The following RGS3 variants were observed in gnomAD, a reference collection of about 807,000 sequenced individuals.
RGS3 encodes regulator of G protein signaling 3, also known as regulator of G-protein signalling 3.
Under a neutral mutation model 132.6 loss-of-function variants are expected in RGS3, and 80 were observed. That is an observed-to-expected ratio of 0.60 (90% CI 0.50 to 0.73). The LOEUF is 0.73. Among genes scored for constraint, RGS3 ranks in the 30% least tolerant of loss-of-function variants. RGS3 has a pLI of 0.00. For missense variants in RGS3, 1,382 were observed against 1,530.8 expected (o/e 0.90, Z 1.62); for synonymous variants, 598 against 620.6 (o/e 0.96, Z 0.54).
At chr9:113,460,543 T>C (rs1469478534) in intron 1 of RGS3, among the ~76,000 whole-genome samples, 1 of 152,152 alleles carries the variant, frequency 6.6e-6, no homozygotes, top group Non-Finnish European at 1.5e-5. Flanking sequence ...AATTTTTTTT[T>C]CTTCTGAATT....
exon 25 of RGS3, chr9:113,597,530 G>T (rs1308823391): frequency 1.3e-5 from 2 of 152,826 alleles, no homozygotes; most frequent in African/African-American, 4.8e-5. Context: ...AGCTTCAGGG[G>T]ATATGCTCGT....
chr9:113,528,335 C>T (rs1588205988), intron 17 of RGS3, among the ~76,000 whole-genome samples: 3 of 152,168 alleles, frequency 2.0e-5, no homozygotes, highest in South Asian at 4.1e-4. Context: ...GGAGTGGCTG[C>T]AGTGGGCAGG....
chr9:113,477,104 T>C (rs1282646729), intron 3 of RGS3, among the ~76,000 whole-genome samples: 2 of 152,102 alleles, frequency 1.3e-5, no homozygotes, highest in African/African-American at 4.8e-5. Context: ...GAAGCCACAA[T>C]GAAGTAATTG....
At chr9:113,590,187 G>A (rs1835345049) in intron 20 of RGS3, among the ~76,000 whole-genome samples, 1 of 152,316 alleles carries the variant, frequency 6.6e-6, no homozygotes, top group African/African-American at 2.4e-5. Flanking sequence ...TCTCCTTGGG[G>A]AAGTGACTTA....
At chr9:113,501,546 T>C (rs548589725) in intron 10 of RGS3, 3 of 1,539,010 alleles carry the variant, frequency 1.9e-6, no homozygotes, top group Admixed American at 3.9e-5. Flanking sequence ...TGGGTTTTCA[T>C]GGGGCGGCAG....
intron 1 of RGS3, among the ~76,000 whole-genome samples, chr9:113,450,188 C>T (rs1829208979): frequency 6.6e-6 from 1 of 152,210 alleles, no homozygotes. Flanking sequence ...CCTGCCTCAG[C>T]CTCCTGAGTA....
At chr9:113,499,271 CA>C (rs1296645449) in intron 10 of RGS3, among the ~76,000 whole-genome samples, 1 of 149,524 alleles carries the variant, frequency 6.7e-6, no homozygotes, top group Non-Finnish European at 1.5e-5. Context: ...CCCAGCAATT[CA>C]TTAGCCCCTG....
At chr9:113,467,366 G>A (rs548069816) in intron 3 of RGS3, among the ~76,000 whole-genome samples, 15 of 152,122 alleles carry the variant, frequency 9.9e-5, no homozygotes, top group Middle Eastern at 6.8e-3. Flanking sequence ...ATGGGTTTTG[G>A]TTTTTCCACA....
intron 19 of RGS3, among the ~76,000 whole-genome samples, chr9:113,557,553 G>A (rs1262606689): frequency 6.6e-6 from 1 of 152,220 alleles, no homozygotes; most frequent in Non-Finnish European, 1.5e-5. Context: ...ATGAGAGAGG[G>A]AAGGCTAGTT....
At chr9:113,452,584 C>T (rs1457993895) in intron 1 of RGS3, among the ~76,000 whole-genome samples, 1 of 151,930 alleles carries the variant, frequency 6.6e-6, no homozygotes, top group African/African-American at 2.4e-5. Flanking sequence ...AAAAGCCCAA[C>T]CACTATTTCT....
Position 113,591,450 on chromosome 9 carries a change from G to A in RGS3, c.3080+53G>A. 6.6e-7 allele frequency: 1 copy of A among 1,520,804 alleles called. No homozygotes were observed. Among genetic ancestry groups the A allele is most frequent in the Non-Finnish European group, 9.1e-7 (1 of 1,096,228 alleles). 94.2% of individuals were successfully genotyped at this position (1,520,804 alleles called of 1,614,324 possible). ...CGCTCCTCTTCCTCCCTTGCCCCAGGGCTTGTCTCTCCTCTAGGGGTCCAG... is the reference window on the plus strand; with the variant it reads ...CGCTCCTCTTCCTCCCTTGCCCCAGAGCTTGTCTCTCCTCTAGGGGTCCAG... On this transcript the variant is annotated intron_variant, in intron 21 of 24. Transcript: ENST00000350696. This position sits in a 1 kb window ranked among gnomAD's most constrained non-coding sequence, Gnocchi z 4.4.
At chr9:113,543,506 C>A (rs967733226) in intron 19 of RGS3, among the ~76,000 whole-genome samples, 4 of 152,194 alleles carry the variant, frequency 2.6e-5, no homozygotes, top group Non-Finnish European at 4.4e-5. Context: ...CTCTGTCTGC[C>A]AGGGCTCAGC....
Position 113,480,936 on chromosome 9 carries a change from C to T in RGS3, c.466+1395C>T, listed in dbSNP as rs552421540. Reference sequence around the variant, plus strand: ...TCTCTCCAGCCTCCCTGGCTCTTGCCGCTGACGGTACCCTCCACCTCCAGC... The same window carrying T: ...TCTCTCCAGCCTCCCTGGCTCTTGCTGCTGACGGTACCCTCCACCTCCAGC... On this transcript the variant is annotated intron_variant, in intron 4 of 24. Coordinates refer to ENST00000350696, the Ensembl canonical transcript of RGS3. Among the ~76,000 whole-genome samples, 4 of 152,344 alleles carry T rather than the reference C, an allele frequency of 2.6e-5. No homozygotes were observed. In the South Asian group the frequency reaches 6.2e-4, roughly 24 times the overall value.
chr9:113,559,830 G>A (rs1381907560), intron 19 of RGS3, among the ~76,000 whole-genome samples: 21 of 152,192 alleles, frequency 1.4e-4, no homozygotes, highest in Non-Finnish European at 1.5e-5. Context: ...CCCTCAACAG[G>A]TGTTATCACA....
chr9:113,562,685 C>G lies in RGS3; in HGVS notation c.2038-20765C>G, dbSNP rs111634733. On this transcript the variant is annotated intron_variant, in intron 19 of 24. Transcript: ENST00000350696. ...CCCTGGGCCTGTGGGCCACCTAGAT[C>G]TTACCACTCTCTAGATCCCAGTTTC... Among the ~76,000 whole-genome samples, 1,414 of 152,042 alleles carry G rather than the reference C, an allele frequency of 9.3e-3. 17 individuals are homozygous for G. Among genetic ancestry groups the G allele is most frequent in the African/African-American group, 0.032 (1,311 of 41,440 alleles).
chr9:113,484,310 C>T, intron 6 of RGS3, 78 bp downstream of exon 4: 1 of 342,474 alleles, frequency 2.9e-6, no homozygotes, highest in Non-Finnish European at 5.4e-6. Context: ...TTTGCCAAAT[C>T]TAGAACTAGA....
chr9:113,483,283 C>T (rs529432221), intron 5 of RGS3, among the ~76,000 whole-genome samples, 166 bp downstream of exon 3: 1 of 152,304 alleles, frequency 6.6e-6, no homozygotes, highest in South Asian at 2.1e-4. Flanking sequence ...CTGGGACAAA[C>T]CCATTCCCTT....
chr9:113,488,459 G>A (rs1179597095), intron 7 of RGS3, among the ~76,000 whole-genome samples: 2 of 152,320 alleles, frequency 1.3e-5, no homozygotes, highest in South Asian at 2.1e-4. Context: ...CCAAGGGTCC[G>A]CTCCCTGTCT....
chr9:113,457,275 C>T (rs1829385783), upstream of RGS3, among the ~76,000 whole-genome samples: 1 of 152,168 alleles, frequency 6.6e-6, no homozygotes, highest in Non-Finnish European at 1.5e-5. Flanking sequence ...CTCTCCTATA[C>T]TTGGCTAAAT....
Sources: gnomAD v4.1 joint callset for allele counts (sites outside exome capture counted in the v4.1 genomes callset) on GRCh38, gnomAD v4.1.1 for gene constraint, Gnocchi (gnomAD v3.1) non-coding constraint, MANE v1.5 for transcripts, NCBI Gene and HGNC (gene_info 2026-07-23, HGNC 2026-07-21) for gene names.